Variants in SIPA1L1 observed in about 807,000 individuals in gnomAD.
SIPA1L1 encodes signal-induced proliferation-associated 1-like protein 1.
In SIPA1L1, 26 loss-of-function variants were observed where a neutral mutation model predicts 162.7. That is an observed-to-expected ratio of 0.16 (90% CI 0.12 to 0.22). SIPA1L1 has a LOEUF of 0.22. Among genes scored for constraint, SIPA1L1 ranks in the 10% least tolerant of loss-of-function variants. SIPA1L1 has a pLI of 1.00. For synonymous variants in SIPA1L1, 829 were observed against 837.4 expected, an observed-to-expected ratio of 0.99 and a Z score of 0.17; for missense variants, 1,874 against 2,241.0, an observed-to-expected ratio of 0.84 and a Z score of 3.31.
At chr14:71,731,667 G>T (rs1460958386) in intron 20 of SIPA1L1, among the ~76,000 whole-genome samples, 1 of 152,196 alleles carries the variant, frequency 6.6e-6, no homozygotes, top group Non-Finnish European at 1.5e-5. Flanking sequence ...TAGGCCCTGA[G>T]TAGTAGAAGC....
At chr14:71,597,207 C>T (rs1250988769) in intron 5 of SIPA1L1, among the ~76,000 whole-genome samples, 4 of 152,194 alleles carry the variant, frequency 2.6e-5, no homozygotes, top group South Asian at 4.1e-4. Flanking sequence ...GTCTCAAACT[C>T]CTGGGCTCAA....
intron 16 of SIPA1L1, among the ~76,000 whole-genome samples, chr14:71,708,565 T>C (rs1355792611): frequency 6.6e-6 from 1 of 152,216 alleles, no homozygotes; most frequent in Non-Finnish European, 1.5e-5. Flanking sequence ...GCTGAAGCAA[T>C]CCACCTGCCT....
At chr14:71,465,294 CT>C (rs1272545804) in intron 2 of SIPA1L1, among the ~76,000 whole-genome samples, 1 of 152,222 alleles carries the variant, frequency 6.6e-6, no homozygotes, top group Non-Finnish European at 1.5e-5. Flanking sequence ...TCAGCTCTTT[CT>C]CTACAGCAGA....
At chr14:71,529,444 T>C in intron 4 of SIPA1L1, 74 bp downstream of exon 4, 1 of 578,926 alleles carries the variant, frequency 1.7e-6, no homozygotes, top group South Asian at 2.1e-5. Flanking sequence ...AAATTTCTGA[T>C]TAGAGAAATG....
intron 13 of SIPA1L1, among the ~76,000 whole-genome samples, chr14:71,690,487 A>G (rs2081178323): frequency 6.6e-6 from 1 of 152,002 alleles, no homozygotes; most frequent in Admixed American, 6.6e-5. Context: ...GCCTCAAGTG[A>G]TCCTCCCTCC....
chr14:71,382,521 T>C (rs2039988228), intron 2 of SIPA1L1, among the ~76,000 whole-genome samples: 1 of 152,236 alleles, frequency 6.6e-6, no homozygotes, highest in African/African-American at 2.4e-5. Context: ...GTTTAGCCAG[T>C]AGCAGTCCGA....
At chr14:71,345,618 G>T (rs1472409159) in intron 2 of SIPA1L1, among the ~76,000 whole-genome samples, 2 of 148,336 alleles carry the variant, frequency 1.3e-5, no homozygotes, top group African/African-American at 5.0e-5. Context: ...CTGTCGCCCA[G>T]GCTGGAGTGC....
intron 17 of SIPA1L1, among the ~76,000 whole-genome samples, chr14:71,718,669 A>C (rs2083451985): frequency 6.6e-6 from 1 of 152,206 alleles, no homozygotes; most frequent in Non-Finnish European, 1.5e-5. Flanking sequence ...AACAAAAATT[A>C]AGAAAATAAT....
At chr14:71,334,637 C>T (rs1224627049) in intron 2 of SIPA1L1, among the ~76,000 whole-genome samples, 1 of 152,150 alleles carries the variant, frequency 6.6e-6, no homozygotes, top group Non-Finnish European at 1.5e-5. Context: ...AAAAATGGCT[C>T]TTATCTTTCT....
At chr14:71,584,205 C>T (rs1027177414) in intron 4 of SIPA1L1, among the ~76,000 whole-genome samples, 10 of 152,138 alleles carry the variant, frequency 6.6e-5, no homozygotes, top group Admixed American at 6.5e-4. Context: ...ATGGTTATCA[C>T]AGAGGTCCAG....
rs188169181 is a variant in SIPA1L1 at position 71,672,963 on chromosome 14, C to G, written c.3104+341C>G. 6.9e-4 allele frequency among the ~76,000 whole-genome samples: 105 copies of G among 152,330 alleles called. 1 individual carries two copies. Among genetic ancestry groups the G allele is most frequent in the African/African-American group, 2.5e-3 (103 of 41,564 alleles). On this transcript the variant is annotated intron_variant, in intron 12 of 23. Coordinates refer to ENST00000381232, the MANE Select transcript of SIPA1L1 (RefSeq NM_001386936.1). ...AACACATTGAACATTAAAAGACACT[C>G]AACATCTCAAATTGTCAGATTGCTT...
intron 2 of SIPA1L1, among the ~76,000 whole-genome samples, chr14:71,446,899 T>A (rs1194026327): frequency 3.6e-5 from 3 of 83,968 alleles, no homozygotes; most frequent in Non-Finnish European, 6.2e-5. Context: ...GCTCTGTTTT[T>A]TTTTTTGTTT....
chr14:71,498,111 G>A (rs2049932428), intron 2 of SIPA1L1, among the ~76,000 whole-genome samples: 1 of 152,146 alleles, frequency 6.6e-6, no homozygotes, highest in Non-Finnish European at 1.5e-5. Context: ...CATCTTTCAT[G>A]TATTTGCTAT....
At chr14:71,733,510 A>G (rs1481243593) in intron 20 of SIPA1L1, among the ~76,000 whole-genome samples, 156 bp from the exon 21 acceptor site, 10 of 152,266 alleles carry the variant, frequency 6.6e-5, no homozygotes, top group Admixed American at 1.3e-4. Flanking sequence ...TCCTATTTCA[A>G]GTCAGCTTTA....
At chr14:71,665,542 A>C (rs79956828) in intron 10 of SIPA1L1, among the ~76,000 whole-genome samples, 1 of 152,122 alleles carries the variant, frequency 6.6e-6, no homozygotes, top group Middle Eastern at 3.4e-3. Flanking sequence ...GATTAGAAGC[A>C]AAAAAAAGAA....
At chr14:71,450,499 C>A (rs1036099611) in intron 2 of SIPA1L1, among the ~76,000 whole-genome samples, 1 of 152,158 alleles carries the variant, frequency 6.6e-6, no homozygotes. Flanking sequence ...GACATCTTGA[C>A]TATTGTTGAT....
intron 4 of SIPA1L1, among the ~76,000 whole-genome samples, chr14:71,582,169 A>G (rs1280667459): frequency 6.6e-6 from 1 of 152,050 alleles, no homozygotes; most frequent in Non-Finnish European, 1.5e-5. Flanking sequence ...CCCTGTTTCT[A>G]CAAAAAATTT....
intron 23 of SIPA1L1, among the ~76,000 whole-genome samples, 184 bp downstream of exon 23, chr14:71,738,509 G>A (rs879702893): frequency 1.3e-5 from 2 of 152,082 alleles, no homozygotes; most frequent in Admixed American, 6.6e-5. Context: ...TTCGGTGTCC[G>A]GTGTACAGAA....
intron 3 of SIPA1L1, among the ~76,000 whole-genome samples, chr14:71,525,096 C>T (rs989220293): frequency 2.6e-5 from 4 of 152,166 alleles, no homozygotes; most frequent in Non-Finnish European, 5.9e-5. Context: ...ACCTCAGCCT[C>T]CTGAGTAGCT....
Sources: allele counts gnomAD v4.1 joint callset (sites outside exome capture counted in the v4.1 genomes callset), GRCh38; gene constraint gnomAD v4.1.1; transcripts MANE v1.5; gene names NCBI Gene and HGNC (gene_info 2026-07-23, HGNC 2026-07-21).